CNOT10: variants seen among roughly 807,000 people sequenced by gnomAD.
CNOT10 encodes the protein CCR4-NOT transcription complex subunit 10.
Under a neutral mutation model 94.6 loss-of-function variants are expected in CNOT10, and 30 were observed. The observed-to-expected ratio is 0.32, with a 90% CI of 0.24 to 0.43. The LOEUF (loss-of-function observed/expected upper bound fraction) is 0.43, where lower values mean the gene tolerates loss of function less well. Ranked by LOEUF, CNOT10 falls within the 20% of genes least tolerant of loss-of-function variation. The pLI is 1.00. For synonymous variants in CNOT10, 289 were observed against 301.6 expected, an observed-to-expected ratio of 0.96 and a Z score of 0.43; for missense variants, 759 against 877.2, an observed-to-expected ratio of 0.87 and a Z score of 1.70.
At position 32,761,768 on chromosome 3, in the gene CNOT10, G is replaced by T. The variant is rs1700457099; in HGVS notation, c.1710-965G>T. ...CTTTTTTTGAAACGGAGTTTCACAG[G>T]CATGAGCCACCGCACCTGGCTACTT... On this transcript the variant is annotated intron_variant, in intron 14 of 18. Transcript: ENST00000328834. Among the ~76,000 whole-genome samples the T allele has an allele frequency of 2.7e-5, 4 of 147,838 alleles. No homozygotes were observed. The South Asian group carries it at 8.7e-4, about 32-fold the overall frequency.
At chr3:32,716,981 G>C (rs1698153652) in intron 6 of CNOT10, among the ~76,000 whole-genome samples, 173 bp from the exon 7 acceptor site, 2 of 152,122 alleles carry the variant, frequency 1.3e-5, no homozygotes, top group African/African-American at 4.8e-5. Context: ...TTAGTATTTT[G>C]AAGTATATTC....
At chr3:32,705,859 T>G (rs1697596314) in intron 3 of CNOT10, among the ~76,000 whole-genome samples, 1 of 152,182 alleles carries the variant, frequency 6.6e-6, no homozygotes, top group South Asian at 2.1e-4. Context: ...TAATCCTTTA[T>G]AGGCATAAAG....
chr3:32,711,991 C>T (rs1697910873), intron 4 of CNOT10, among the ~76,000 whole-genome samples: 1 of 151,930 alleles, frequency 6.6e-6, no homozygotes, highest in Admixed American at 6.6e-5. Flanking sequence ...CTTATTTTTC[C>T]TTTTATCTTC....
chr3:32,726,794 A>G (rs1285913142), intron 9 of CNOT10, among the ~76,000 whole-genome samples: 1 of 146,818 alleles, frequency 6.8e-6, no homozygotes, highest in South Asian at 2.1e-4. Flanking sequence ...AATAGGTTTT[A>G]TTGTCATGAA....
At chr3:32,760,404 G>A (rs966099257) in intron 14 of CNOT10, among the ~76,000 whole-genome samples, 4 of 152,090 alleles carry the variant, frequency 2.6e-5, no homozygotes, top group African/African-American at 9.7e-5. Flanking sequence ...GGCTGAGGTA[G>A]GCAGATCATT....
intron 13 of CNOT10, among the ~76,000 whole-genome samples, chr3:32,742,670 C>T (rs1699526455): frequency 6.6e-6 from 1 of 152,234 alleles, no homozygotes; most frequent in African/African-American, 2.4e-5. Context: ...GCGTGAGCCA[C>T]CGCATCTGTC....
At position 32,704,898 on chromosome 3, in the gene CNOT10, G is replaced by C. The variant is rs771250309; in HGVS notation, c.205G>C (p.Val69Leu). The change falls in exon 3 of 19, where the codon GTA becomes CTA. Residue 69 changes from valine (V) to leucine (L), a missense_variant. By Grantham distance (32) the Val-to-Leu change is conservative. Transcript: ENST00000328834. ...TTATAAAATAATTTTGAATACAGCA[G>C]TAGCTGAGTTTTTTAAAAGTAACCA... ...DDYKIILNTAVAEFFKSNQTT... is the reference protein window; with the variant it reads ...DDYKIILNTALAEFFKSNQTT... 1 of 1,569,880 alleles carries C rather than the reference G, an allele frequency of 6.4e-7. No individual in the cohort carries two copies. The highest frequency in any genetic ancestry group is 8.6e-7 in the Non-Finnish European group (1 of 1,166,396).
intron 12 of CNOT10, among the ~76,000 whole-genome samples, 200 bp from the exon 13 acceptor site, chr3:32,737,210 G>C (rs561252803): frequency 6.6e-6 from 1 of 152,172 alleles, no homozygotes; most frequent in African/African-American, 2.4e-5. Flanking sequence ...AGCTACTTGG[G>C]AGGCTGAGGC....
intron 13 of CNOT10, among the ~76,000 whole-genome samples, chr3:32,742,291 G>C (rs978490550): frequency 6.6e-6 from 1 of 152,100 alleles, no homozygotes; most frequent in African/African-American, 2.4e-5. Flanking sequence ...GAAGTAAGAT[G>C]TGTAGTGCTA....
At chr3:32,722,914 C>T (rs767704872) in intron 8 of CNOT10, among the ~76,000 whole-genome samples, 4 of 151,928 alleles carry the variant, frequency 2.6e-5, no homozygotes, top group South Asian at 2.1e-4. Context: ...TGTGAGCCAC[C>T]GAGCTCAGTC....
intron 18 of CNOT10, 57 bp from the exon 19 acceptor site, chr3:32,773,400 T>G: frequency 6.6e-7 from 1 of 1,519,192 alleles, no homozygotes; most frequent in South Asian, 1.3e-5. Flanking sequence ...CATGTCTTGC[T>G]TTGTGTGTGG....
chr3:32,685,615 A>G (rs1477582510), intron 1 of CNOT10, 133 bp downstream of exon 1: 4 of 949,888 alleles, frequency 4.2e-6, no homozygotes, highest in Non-Finnish European at 4.8e-6. Flanking sequence ...TCTTTACCCC[A>G]TCCTCTGTCT....
At chr3:32,695,458 G>A in intron 1 of CNOT10, 9 of 970,034 alleles carry the variant, frequency 9.3e-6, no homozygotes, top group South Asian at 1.9e-5. Context: ...CAGTGGAGCT[G>A]TATTTTGATG....
chr3:32,729,838 G>A (rs1698858305), intron 10 of CNOT10, among the ~76,000 whole-genome samples: 1 of 138,374 alleles, frequency 7.2e-6, no homozygotes, highest in Non-Finnish European at 1.5e-5. Flanking sequence ...GCGGGATCTC[G>A]GCTCACTGCA....
At position 32,769,872 on chromosome 3, in the gene CNOT10, C is replaced by G; in HGVS notation, c.2005-15C>G. The G allele has an allele frequency of 6.2e-7, 1 of 1,610,798 alleles. No homozygotes were observed. Among genetic ancestry groups the G allele is most frequent in the South Asian group, 1.1e-5 (1 of 91,012 alleles). ...CTTTTGTTTTTTCACGGGCATCTTT[C>G]TGTTTTGAGCAAAGGCGGCTTCAAT... is the stretch of plus-strand genomic sequence containing the variant. On this transcript the variant is annotated splice_polypyrimidine_tract_variant and intron_variant, in intron 17 of 18. Coordinates refer to ENST00000328834, the MANE Select transcript of CNOT10 (RefSeq NM_015442.3).
At chr3:32,724,212 T>TA (rs1167716016) in intron 8 of CNOT10, among the ~76,000 whole-genome samples, 4 of 151,094 alleles carry the variant, frequency 2.6e-5, no homozygotes, top group African/African-American at 7.3e-5. Context: ...AGTGGAGACT[T>TA]ACAGTTTAAT....
rs749414739 is a variant in CNOT10 at position 32,762,871 on chromosome 3, A to G, written c.1840+8A>G. ...CAAATGAGCAGGACCAAGGTTAATG[A>G]GGACATCTTTGATCAGAACTGGTCA... On this transcript the variant is annotated splice_region_variant and intron_variant, in intron 15 of 18. Transcript: ENST00000328834. 2 of 1,530,160 alleles carry G rather than the reference A, an allele frequency of 1.3e-6. No homozygotes were observed. Among genetic ancestry groups the G allele is most frequent in the Non-Finnish European group, 1.7e-6 (2 of 1,150,716 alleles). The allele number at this position is 1,530,160 out of a possible 1,614,324, so 94.8% of individuals were successfully genotyped here.
In CNOT10 at chr3:32,685,280, C is replaced by T. The variant is rs925096895; in HGVS notation, c.-181C>T. Reference sequence around the variant, plus strand: ...GGAAGCTGTTGCTGTTGCTAGACGACGGGAACTAGCTCTCGTCACTTCCTC... The same window carrying T: ...GGAAGCTGTTGCTGTTGCTAGACGATGGGAACTAGCTCTCGTCACTTCCTC... On this transcript the variant is annotated 5_prime_UTR_variant, in exon 1 of 19. It adds an upstream start codon to the 5' untranslated region. Coordinates refer to ENST00000328834, the MANE Select transcript of CNOT10 (RefSeq NM_015442.3). 3.4e-6 allele frequency: 2 copies of T among 595,456 alleles called. No individual in the cohort carries two copies. The highest frequency in any genetic ancestry group is 3.8e-5 in the African/African-American group (2 of 52,448). 36.9% of individuals were successfully genotyped at this position (595,456 alleles called of 1,614,324 possible).
At chr3:32,757,140 G>A (rs1213454868) in intron 13 of CNOT10, among the ~76,000 whole-genome samples, 7 of 125,980 alleles carry the variant, frequency 5.6e-5, no homozygotes, top group Non-Finnish European at 1.0e-4. Context: ...ACTAAATTTT[G>A]TAACTGTCAT....
Sources: allele counts gnomAD v4.1 joint callset (sites outside exome capture counted in the v4.1 genomes callset), GRCh38; gene constraint gnomAD v4.1.1; transcripts MANE v1.5; gene names NCBI Gene and HGNC (gene_info 2026-07-23, HGNC 2026-07-21).